MORN1: variants seen among roughly 807,000 people sequenced by gnomAD.
MORN1 encodes the protein MORN repeat containing 1.
A neutral mutation model predicts 61.9 loss-of-function variants in MORN1; 67 were observed. The ratio of observed to expected loss-of-function variants is 1.08; its 90% CI spans 0.89 to 1.33. The LOEUF (loss-of-function observed/expected upper bound fraction) is 1.33. Ranked by LOEUF, MORN1 falls within the 40% of genes most tolerant of loss-of-function variation. MORN1 has a pLI of 0.00. For missense variants in MORN1, 752 were observed against 691.2 expected (o/e 1.09, Z -0.99); for synonymous variants, 301 against 292.0 (o/e 1.03, Z -0.31).
chr1:2,334,719 C>T lies in MORN1; in HGVS notation c.1250+1750G>A, dbSNP rs928552700. Among the ~76,000 whole-genome samples, 10 of 152,252 alleles carry T rather than the reference C, an allele frequency of 6.6e-5. No homozygotes were observed. The highest frequency in any genetic ancestry group is 1.3e-4 in the Non-Finnish European group (9 of 68,046). ...CAGGTCGTCCTGGGATTGAAACAAT[C>T]CTAGTCCAACGACACTTAACTCGAG... On this transcript the variant is annotated intron_variant, in intron 12 of 13. Transcript: ENST00000378531. The surrounding 1 kb of genome is among the most constrained non-coding windows in gnomAD (Gnocchi z 5.4).
chr1:2,338,308 C>T (rs1388955279), intron 10 of MORN1, among the ~76,000 whole-genome samples: 1 of 152,210 alleles, frequency 6.6e-6, no homozygotes, highest in Non-Finnish European at 1.5e-5. Flanking sequence ...CAAGGACACT[C>T]TTTAACTGAC....
chr1:2,322,874 A>G, intron 13 of MORN1: 1 of 985,386 alleles, frequency 1.0e-6, no homozygotes, highest in Non-Finnish European at 1.2e-6. Context: ...GTGGGCGGCA[A>G]GGGCTCTGGC....
intron 8 of MORN1, among the ~76,000 whole-genome samples, chr1:2,367,237 C>T (rs565527003): frequency 2.7e-5 from 4 of 149,122 alleles, no homozygotes; most frequent in South Asian, 2.1e-4. Flanking sequence ...ATATCCTTCA[C>T]GAACAGGGAT....
chr1:2,348,301 T>C (rs1641559045), intron 10 of MORN1, among the ~76,000 whole-genome samples: 1 of 152,208 alleles, frequency 6.6e-6, no homozygotes, highest in African/African-American at 2.4e-5. Flanking sequence ...CGCTCATGCC[T>C]TTCATGGATG....
Position 2,357,833 on chromosome 1 carries a change from G to A in MORN1, c.870-235C>T, listed in dbSNP as rs1175173071. On this transcript the variant is annotated intron_variant, in intron 9 of 13. Transcript: ENST00000378531. This position sits in a 1 kb window ranked among gnomAD's most constrained non-coding sequence, Gnocchi z 6.3. ...TGGCTTGAAGGAAGAGCTGCCTGCC[G>A]CCCCCATTATTATTTATGACAACTC... Among the ~76,000 whole-genome samples the A allele has an allele frequency of 3.9e-5, 6 of 152,096 alleles. No homozygotes were observed. Among genetic ancestry groups the A allele is most frequent in the East Asian group, 1.9e-4 (1 of 5,176 alleles).
intron 12 of MORN1, among the ~76,000 whole-genome samples, chr1:2,333,643 G>A (rs1443868797): frequency 6.6e-6 from 1 of 152,198 alleles, no homozygotes; most frequent in African/African-American, 2.4e-5. Flanking sequence ...AGGGTGCGCT[G>A]AGAGCCGGCC....
chr1:2,380,632 C>A (rs892729276), intron 6 of MORN1, among the ~76,000 whole-genome samples: 3 of 152,150 alleles, frequency 2.0e-5, no homozygotes, highest in African/African-American at 7.2e-5. Context: ...ACAACCTCTG[C>A]CTCCCAGGTT....
At chr1:2,387,714 C>T in intron 3 of MORN1, 185 bp from the exon 4 acceptor site, 1 of 598,210 alleles carries the variant, frequency 1.7e-6, no homozygotes, top group Non-Finnish European at 3.0e-6. Flanking sequence ...GTCTCCCCAA[C>T]AGCTGGGCAT....
chr1:2,388,880 G>A (rs1171233720), intron 2 of MORN1, among the ~76,000 whole-genome samples: 1 of 151,974 alleles, frequency 6.6e-6, no homozygotes, highest in Admixed American at 6.6e-5. Flanking sequence ...GGGAGGTTGA[G>A]GTGGGCAGAT....
chr1:2,335,844 A>AGCCCAGCCCAGCCCGGCCCG (rs1553208797), intron 12 of MORN1, among the ~76,000 whole-genome samples: 2 of 147,014 alleles, frequency 1.4e-5, no homozygotes, highest in African/African-American at 5.5e-5. Flanking sequence ...AGCCCAGCCC[A>AGCCCAGCCCAGCCCGGCCCG]GCGCGCAGCT....
chr1:2,390,421 C>A (rs1431317334), intron 1 of MORN1: 1 of 985,220 alleles, frequency 1.0e-6, no homozygotes, highest in Non-Finnish European at 1.2e-6. Flanking sequence ...TGCCGTGGCC[C>A]TTCAGTGGCC....
intron 10 of MORN1, among the ~76,000 whole-genome samples, chr1:2,348,810 G>GGCACGCACACACAC (rs1426675646): frequency 8.8e-5 from 13 of 146,956 alleles, no homozygotes; most frequent in Non-Finnish European, 1.8e-4. Flanking sequence ...CTCCTGCGCG[G>GGCACGCACACACAC]GCACGCACAC....
intron 10 of MORN1, among the ~76,000 whole-genome samples, chr1:2,343,805 C>T (rs944111505): frequency 3.9e-5 from 6 of 152,204 alleles, no homozygotes; most frequent in Non-Finnish European, 8.8e-5. Flanking sequence ...ACCATGGCAC[C>T]CGCCTCTGGC....
intron 4 of MORN1, chr1:2,386,359 A>C (rs1301191495): frequency 6.3e-6 from 1 of 158,834 alleles, no homozygotes; most frequent in African/African-American, 2.4e-5. Flanking sequence ...GGGGGTTCGT[A>C]AACTGCGGCA....
chr1:2,383,024 G>T (rs12742461), intron 6 of MORN1, among the ~76,000 whole-genome samples: 40,057 of 152,050 alleles, frequency 0.26, 6,491 homozygotes, highest in East Asian at 0.45. Flanking sequence ...CCCTGCTGCG[G>T]GCAGCTGTGC....
intron 12 of MORN1, among the ~76,000 whole-genome samples, chr1:2,328,788 C>T (rs1388430994): frequency 6.6e-6 from 1 of 152,210 alleles, no homozygotes; most frequent in Non-Finnish European, 1.5e-5. Flanking sequence ...GCTCCTCTCC[C>T]GGGGAGCACA....
intron 6 of MORN1, among the ~76,000 whole-genome samples, 194 bp downstream of exon 6, chr1:2,384,784 C>A (rs553536933): frequency 6.6e-6 from 1 of 152,386 alleles, no homozygotes; most frequent in Admixed American, 6.5e-5. Flanking sequence ...TATGAATACA[C>A]TCCTGTTTTT....
intron 12 of MORN1, among the ~76,000 whole-genome samples, chr1:2,328,630 T>G (rs1641084795): frequency 6.6e-6 from 1 of 152,186 alleles, no homozygotes; most frequent in South Asian, 2.1e-4. Flanking sequence ...TGTGAAAGTC[T>G]GAAAATCAGG....
intron 2 of MORN1, 21 bp from the exon 3 acceptor site, chr1:2,388,358 G>A (rs78527795): frequency 6.9e-6 from 11 of 1,594,034 alleles, no homozygotes; most frequent in East Asian, 2.2e-5. Context: ...AAATCGTCAC[G>A]TGAACTCAGA....
Sources: gnomAD v4.1 joint callset for allele counts (sites outside exome capture counted in the v4.1 genomes callset) on GRCh38, gnomAD v4.1.1 for gene constraint, Gnocchi (gnomAD v3.1) non-coding constraint, MANE v1.5 for transcripts, NCBI Gene and HGNC (gene_info 2026-07-23, HGNC 2026-07-21) for gene names.